COMMD7: variants seen among roughly 807,000 people sequenced by gnomAD.
COMMD7 encodes COMM domain-containing protein 7.
Under a neutral mutation model 34.8 loss-of-function variants are expected in COMMD7, and 28 were observed. The ratio of observed to expected loss-of-function variants is 0.80; its 90% CI spans 0.60 to 1.10. COMMD7 has a LOEUF of 1.10. Ranked by LOEUF, COMMD7 falls within the 50% of genes least tolerant of loss-of-function variation. COMMD7 has a pLI of 0.00. For synonymous variants in COMMD7, 80 were observed against 86.4 expected, an observed-to-expected ratio of 0.93 and a Z score of 0.41; for missense variants, 211 against 241.6, an observed-to-expected ratio of 0.87 and a Z score of 0.84.
chr20:32,716,925 C>G (rs2145735137), intron 3 of COMMD7, among the ~76,000 whole-genome samples: 1 of 151,764 alleles, frequency 6.6e-6, no homozygotes, highest in South Asian at 2.1e-4. Context: ...GTGTCAGGAA[C>G]TCTGCTCCCC....
At chr20:32,743,237 TCCCCCCCACCCCA>T in intron 1 of COMMD7, 58 bp downstream of exon 1, 3 of 526,958 alleles carry the variant, frequency 5.7e-6, no homozygotes, top group African/African-American at 2.3e-5. Context: ...CCCCCGGACG[TCCCCCCCACCCCA>T]GGCCCGGATC....
intron 3 of COMMD7, among the ~76,000 whole-genome samples, chr20:32,719,466 A>G (rs1269097676): frequency 1.3e-5 from 2 of 151,776 alleles, no homozygotes; most frequent in African/African-American, 2.4e-5. Flanking sequence ...CTGGCCAACA[A>G]GGTGAAACCC....
chr20:32,714,103 ACT>A (rs1442174252), intron 3 of COMMD7, among the ~76,000 whole-genome samples: 12 of 152,078 alleles, frequency 7.9e-5, no homozygotes, highest in Admixed American at 2.6e-4. Context: ...ATAGAGTGTG[ACT>A]CTGTCTTAAA....
At chr20:32,728,447 TACACACAC>T (rs112717200) in intron 1 of COMMD7, among the ~76,000 whole-genome samples, 15 of 150,808 alleles carry the variant, frequency 9.9e-5, no homozygotes, top group Non-Finnish European at 1.8e-4. Context: ...CAGACAGACA[TACACACAC>T]ACACACACAC....
At chr20:32,703,956 G>T in intron 8 of COMMD7, 67 bp downstream of exon 8, 1 of 1,611,022 alleles carries the variant, frequency 6.2e-7, no homozygotes, top group Non-Finnish European at 8.5e-7. Flanking sequence ...TGTGGTGAGC[G>T]TCACCAGCCC....
chr20:32,732,077 T>C (rs1985869969), intron 1 of COMMD7, among the ~76,000 whole-genome samples: 1 of 152,170 alleles, frequency 6.6e-6, no homozygotes, highest in African/African-American at 2.4e-5. Flanking sequence ...AATTTCACAA[T>C]GTGCATCTAA....
chr20:32,719,419 G>T (rs373683566), intron 3 of COMMD7, among the ~76,000 whole-genome samples: 1 of 152,054 alleles, frequency 6.6e-6, no homozygotes, highest in African/African-American at 2.4e-5. Context: ...AGGCCAAGGT[G>T]GGGTGGATCA....
At chr20:32,704,770 C>A in intron 6 of COMMD7, 44 bp downstream of exon 6, 1 of 1,456,880 alleles carries the variant, frequency 6.9e-7, no homozygotes, top group Non-Finnish European at 9.6e-7. Flanking sequence ...TGCACCCCAA[C>A]CCTGTACCAC....
At chr20:32,706,437 C>T (rs1163224929) in intron 5 of COMMD7, 146 bp downstream of exon 5, 9 of 634,558 alleles carry the variant, frequency 1.4e-5, no homozygotes, top group East Asian at 1.4e-4. Context: ...CACTTGAACC[C>T]GAGAGGCAGA....
At chr20:32,728,756 G>T (rs1264322784) in intron 1 of COMMD7, among the ~76,000 whole-genome samples, 1 of 151,694 alleles carries the variant, frequency 6.6e-6, no homozygotes, top group East Asian at 1.9e-4. Context: ...TGTAGAGACA[G>T]GGTCTCACTT....
chr20:32,711,795 T>C (rs28456361), intron 3 of COMMD7, among the ~76,000 whole-genome samples: 103,126 of 146,066 alleles, frequency 0.71, 36,475 homozygotes, highest in Middle Eastern at 0.82. Context: ...TTTGACCTTA[T>C]GTCAGACAGA....
Position 32,706,684 on chromosome 20 carries a change from A to T in COMMD7, c.298+20T>A. On this transcript the variant is annotated intron_variant, in intron 4 of 8. Transcript: ENST00000278980. ...GCCTCAGAAGCCAGTCACCCTGAGCAACCCTGGCCAATGACCTACCCAGAG... is the reference window on the plus strand; with the variant it reads ...GCCTCAGAAGCCAGTCACCCTGAGCTACCCTGGCCAATGACCTACCCAGAG... 1 of 1,613,790 alleles carries T rather than the reference A, an allele frequency of 6.2e-7. No homozygotes were observed.
chr20:32,731,610 G>A (rs916618832), intron 1 of COMMD7, among the ~76,000 whole-genome samples: 1 of 152,194 alleles, frequency 6.6e-6, no homozygotes, highest in East Asian at 1.9e-4. Context: ...CAACTTCTGA[G>A]GCTCCCTGGG....
rs1319989517 is a variant in COMMD7, at chr20:32,723,129, C to T, written c.241+4764G>A. On this transcript the variant is annotated intron_variant, in intron 3 of 8. Transcript: ENST00000278980. ...CTCCCTCTCCCTCTCCCTCTCCCTC[C>T]CTCTCCGTCTCCGTCTCCGTCTCCG... Among the ~76,000 whole-genome samples, 93 of 42,164 alleles carry T rather than the reference C, an allele frequency of 2.2e-3. 3 individuals are homozygous for T. Among genetic ancestry groups the T allele is most frequent in the African/African-American group, 7.9e-3 (89 of 11,290 alleles). 27.7% of individuals were successfully genotyped at this position (42,164 alleles called of 152,430 possible).
chr20:32,708,356 C>T (rs1984222150), intron 3 of COMMD7, among the ~76,000 whole-genome samples: 1 of 152,072 alleles, frequency 6.6e-6, no homozygotes, highest in Non-Finnish European at 1.5e-5. Flanking sequence ...AACCCAAGTC[C>T]CCACCCCCAA....
chr20:32,711,213 G>A (rs1024149133), intron 3 of COMMD7, among the ~76,000 whole-genome samples: 21 of 151,960 alleles, frequency 1.4e-4, no homozygotes, highest in Admixed American at 1.2e-3. Flanking sequence ...CCTGGTCAAC[G>A]TGGTGAAACC....
At chr20:32,726,704 A>G (rs1394435532) in intron 3 of COMMD7, among the ~76,000 whole-genome samples, 1 of 152,164 alleles carries the variant, frequency 6.6e-6, no homozygotes, top group African/African-American at 2.4e-5. Flanking sequence ...ACTCTGTCTC[A>G]AAAGCAAAAC....
intron 5 of COMMD7, 68 bp from the exon 6 acceptor site, chr20:32,704,972 A>C: frequency 8.8e-7 from 1 of 1,137,522 alleles, no homozygotes; most frequent in Non-Finnish European, 1.3e-6. Flanking sequence ...CCTGCCCTAA[A>C]CATTGCAATA....
intron 1 of COMMD7, among the ~76,000 whole-genome samples, chr20:32,732,935 C>CA (rs1247023221): frequency 1.7e-4 from 25 of 147,168 alleles, no homozygotes; most frequent in East Asian, 1.0e-3. Context: ...GATTCCATCT[C>CA]AAAAAAAAAG....
Sources: gnomAD v4.1 joint callset for allele counts (sites outside exome capture counted in the v4.1 genomes callset) on GRCh38, gnomAD v4.1.1 for gene constraint, MANE v1.5 for transcripts, NCBI Gene and HGNC (gene_info 2026-07-23, HGNC 2026-07-21) for gene names.